Variants in EXOC6B observed in about 807,000 individuals in gnomAD.
The protein encoded by EXOC6B is exocyst complex component 6B.
Under a neutral mutation model 113.5 loss-of-function variants are expected in EXOC6B, and 54 were observed. The ratio of observed to expected loss-of-function variants is 0.48; its 90% CI spans 0.38 to 0.60. The LOEUF is 0.60. Ranked by LOEUF, EXOC6B falls within the 20% of genes least tolerant of loss-of-function variation. The pLI, the probability that EXOC6B is intolerant of heterozygous loss-of-function variation, is 0.00. For missense variants in EXOC6B, 797 were observed against 977.5 expected, an observed-to-expected ratio of 0.82 and a Z score of 2.46; for synonymous variants, 357 against 339.0, an observed-to-expected ratio of 1.05 and a Z score of -0.58.
chr2:72,704,375 G>T (rs1265035835), intron 6 of EXOC6B, among the ~76,000 whole-genome samples: 1 of 150,874 alleles, frequency 6.6e-6, no homozygotes, highest in African/African-American at 2.4e-5. Context: ...AGAGGAAGCA[G>T]GAAAGATCCA....
In EXOC6B at chr2:72,177,170, A is replaced by C. The variant is rs1337860942; in HGVS notation, c.*2165T>G. On this transcript the variant is annotated 3_prime_UTR_variant, in exon 22 of 22. Coordinates refer to ENST00000272427, the MANE Select transcript of EXOC6B (RefSeq NM_015189.3). ...TGAGCTTGAATAAGCTTTTCCTTTC[A>C]TGGGACTTCTGTGCAGAATAACCCC... 1 of 152,216 alleles carries C rather than the reference A, an allele frequency of 6.6e-6. No individual in the cohort carries two copies. Among genetic ancestry groups the C allele is most frequent in the Non-Finnish European group, 1.5e-5 (1 of 68,048 alleles). The allele number at this position is 152,216 out of a possible 1,614,324, so 9.4% of individuals were successfully genotyped here. A position where few individuals can be genotyped will look rare whatever the true frequency, so the allele number is the denominator to read the frequency against.
intron 20 of EXOC6B, among the ~76,000 whole-genome samples, chr2:72,333,883 G>A (rs1174546239): frequency 6.6e-6 from 1 of 152,054 alleles, no homozygotes; most frequent in African/African-American, 2.4e-5. Context: ...CATCCATTAT[G>A]GGTTAAAAGC....
chr2:72,781,616 T>C (rs987912955), intron 1 of EXOC6B, among the ~76,000 whole-genome samples: 5 of 152,104 alleles, frequency 3.3e-5, no homozygotes, highest in African/African-American at 4.8e-5. Flanking sequence ...TTGACAAAAA[T>C]TGGCAACAGA....
intron 1 of EXOC6B, among the ~76,000 whole-genome samples, chr2:72,749,021 ACAGGATTAT>A (rs1681871453): frequency 6.6e-6 from 1 of 152,144 alleles, no homozygotes; most frequent in Non-Finnish European, 1.5e-5. Flanking sequence ...TAAAGGCAAA[ACAGGATTAT>A]TAGTGGCTTC....
At chr2:72,664,735 G>A (rs1675270732) in intron 6 of EXOC6B, among the ~76,000 whole-genome samples, 1 of 152,176 alleles carries the variant, frequency 6.6e-6, no homozygotes, top group Non-Finnish European at 1.5e-5. Flanking sequence ...CCCCTGCCCA[G>A]CAGCCCTTTG....
At position 72,327,152 on chromosome 2, in the gene EXOC6B, T is replaced by C. The variant is rs1688170958; in HGVS notation, c.2196+7795A>G. Among the ~76,000 whole-genome samples, 3 of 151,868 alleles carry C rather than the reference T, an allele frequency of 2.0e-5. No individual in the cohort carries two copies. In the South Asian group the frequency reaches 6.2e-4, roughly 31 times the overall value. On this transcript the variant is annotated intron_variant, in intron 20 of 21. Transcript: ENST00000272427. Reference sequence around the variant, plus strand: ...AGCTAGCATTTCCAGACACACAAACTCTCCAGGGAACAACCCTCAAAGAGG... The same window carrying C: ...AGCTAGCATTTCCAGACACACAAACCCTCCAGGGAACAACCCTCAAAGAGG...
chr2:72,255,456 C>G (rs1009718520), intron 20 of EXOC6B, among the ~76,000 whole-genome samples: 1 of 152,244 alleles, frequency 6.6e-6, no homozygotes, highest in Admixed American at 6.5e-5. Context: ...GAAGCCACCA[C>G]AGGCCTGGAA....
intron 18 of EXOC6B, among the ~76,000 whole-genome samples, chr2:72,414,460 A>G (rs1462474985): frequency 6.6e-6 from 1 of 152,184 alleles, no homozygotes; most frequent in African/African-American, 2.4e-5. Context: ...GGAAAAAAAA[A>G]TTAGTTTCAA....
At chr2:72,409,707 G>T (rs1694034926) in intron 18 of EXOC6B, among the ~76,000 whole-genome samples, 2 of 149,946 alleles carry the variant, frequency 1.3e-5, no homozygotes, top group Non-Finnish European at 1.5e-5. Flanking sequence ...TCACACACCG[G>T]GGCCTGCTGT....
chr2:72,664,734 A>G (rs986514962), intron 6 of EXOC6B, among the ~76,000 whole-genome samples: 1 of 152,202 alleles, frequency 6.6e-6, no homozygotes, highest in African/African-American at 2.4e-5. Context: ...CCCCCTGCCC[A>G]GCAGCCCTTT....
chr2:72,211,248 C>CA (rs1219589392), intron 20 of EXOC6B, among the ~76,000 whole-genome samples: 10 of 152,028 alleles, frequency 6.6e-5, no homozygotes, highest in African/African-American at 2.4e-5. Context: ...ACAATTTCTC[C>CA]AAAAAAATGA....
intron 18 of EXOC6B, among the ~76,000 whole-genome samples, chr2:72,384,133 T>C (rs1367107380): frequency 6.6e-6 from 1 of 151,998 alleles, no homozygotes; most frequent in African/African-American, 2.4e-5. Flanking sequence ...CCTGCCCATA[T>C]ACTCCTGAAC....
intron 6 of EXOC6B, among the ~76,000 whole-genome samples, chr2:72,665,812 A>G (rs1402140975): frequency 6.6e-6 from 1 of 152,198 alleles, no homozygotes; most frequent in Non-Finnish European, 1.5e-5. Context: ...CAACCAGCTA[A>G]TAACACAGTA....
intron 20 of EXOC6B, among the ~76,000 whole-genome samples, chr2:72,254,468 C>T (rs1683227119): frequency 6.6e-6 from 1 of 152,152 alleles, no homozygotes; most frequent in South Asian, 2.1e-4. Flanking sequence ...GATTTCTGGC[C>T]TCCAGACCTG....
At chr2:72,603,578 T>C (rs547576045) in intron 6 of EXOC6B, among the ~76,000 whole-genome samples, 12 of 152,294 alleles carry the variant, frequency 7.9e-5, no homozygotes, top group African/African-American at 2.9e-4. Flanking sequence ...ATGCTCCCCG[T>C]GTGTAACTCA....
intron 6 of EXOC6B, among the ~76,000 whole-genome samples, chr2:72,633,507 T>C (rs902011961): frequency 6.6e-6 from 1 of 152,150 alleles, no homozygotes; most frequent in African/African-American, 2.4e-5. Context: ...CCTGGTGTAA[T>C]TAAAACAAAA....
chr2:72,206,370 C>A, intron 20 of EXOC6B, among the ~76,000 whole-genome samples: 1 of 152,160 alleles, frequency 6.6e-6, no homozygotes, highest in Non-Finnish European at 1.5e-5. Context: ...CCTCCTTTTC[C>A]CACCATCCTT....
At chr2:72,383,811 C>T (rs1558613369) in intron 18 of EXOC6B, among the ~76,000 whole-genome samples, 1 of 152,042 alleles carries the variant, frequency 6.6e-6, no homozygotes, top group Non-Finnish European at 1.5e-5. Flanking sequence ...GAATACTACA[C>T]AGCCATAAAG....
chr2:72,516,042 G>T (rs1050302710), intron 8 of EXOC6B, among the ~76,000 whole-genome samples: 1 of 152,100 alleles, frequency 6.6e-6, no homozygotes, highest in Non-Finnish European at 1.5e-5. Flanking sequence ...CACAACAAAA[G>T]ATTCTACCCA....
Sources: allele counts gnomAD v4.1 joint callset (sites outside exome capture counted in the v4.1 genomes callset), GRCh38; gene constraint gnomAD v4.1.1; transcripts MANE v1.5; gene names NCBI Gene and HGNC (gene_info 2026-07-23, HGNC 2026-07-21).